The following SLC25A21 variants were observed in gnomAD, a reference collection of about 807,000 sequenced individuals.
SLC25A21 encodes the protein mitochondrial 2-oxodicarboxylate carrier.
A neutral mutation model predicts 43.8 loss-of-function variants in SLC25A21; 47 were observed. That is an observed-to-expected ratio of 1.07 (90% CI 0.85 to 1.37). The LOEUF is 1.37. Ranked by LOEUF, SLC25A21 falls within the 40% of genes most tolerant of loss-of-function variation. The probability of loss-of-function intolerance (pLI) is 0.00; values close to 1 mark genes in which losing one functional copy is unlikely to be tolerated. For missense variants in SLC25A21, 352 were observed against 350.2 expected (o/e 1.00, Z -0.04); for synonymous variants, 131 against 121.3 (o/e 1.08, Z -0.52).
At chr14:37,051,143 A>G (rs985356804) in intron 1 of SLC25A21, among the ~76,000 whole-genome samples, 15 of 152,324 alleles carry the variant, frequency 9.8e-5, no homozygotes, top group Admixed American at 2.0e-4. Flanking sequence ...GACTTTGCCT[A>G]TTGTTCACTG....
intron 1 of SLC25A21, among the ~76,000 whole-genome samples, chr14:37,010,941 C>T (rs1322155112): frequency 6.6e-6 from 1 of 152,128 alleles, no homozygotes; most frequent in Non-Finnish European, 1.5e-5. Context: ...GTCTGGAGTG[C>T]AGTGGTGCGA....
At chr14:36,979,576 G>A (rs779225410) in intron 1 of SLC25A21, among the ~76,000 whole-genome samples, 22 of 152,050 alleles carry the variant, frequency 1.4e-4, no homozygotes, top group Non-Finnish European at 3.1e-4. Flanking sequence ...GGCTGGTCTC[G>A]AACTACCGAC....
At chr14:36,718,848 A>G (rs1884258476) in intron 6 of SLC25A21, among the ~76,000 whole-genome samples, 1 of 152,242 alleles carries the variant, frequency 6.6e-6, no homozygotes, top group African/African-American at 2.4e-5. Flanking sequence ...AGCAAGATAG[A>G]ACACTAATTA....
At chr14:37,121,576 C>T (rs1391936243) in intron 1 of SLC25A21, among the ~76,000 whole-genome samples, 1 of 151,982 alleles carries the variant, frequency 6.6e-6, no homozygotes, top group Non-Finnish European at 1.5e-5. Flanking sequence ...TCACTTGAGG[C>T]CAAGAGTTTG....
intron 7 of SLC25A21, among the ~76,000 whole-genome samples, chr14:36,710,367 C>A (rs1339329906): frequency 1.3e-5 from 2 of 148,498 alleles, no homozygotes; most frequent in African/African-American, 5.0e-5. Context: ...GAGTGAAACT[C>A]TGTCTCCAAG....
At chr14:36,702,377 C>T (rs909421264) in intron 7 of SLC25A21, among the ~76,000 whole-genome samples, 4 of 150,422 alleles carry the variant, frequency 2.7e-5, no homozygotes, top group Non-Finnish European at 4.4e-5. Flanking sequence ...GGTGGCTCAT[C>T]CCTGTAATCC....
intron 1 of SLC25A21, among the ~76,000 whole-genome samples, chr14:36,962,180 C>T (rs372045086): frequency 3.4e-4 from 51 of 152,200 alleles, no homozygotes; most frequent in African/African-American, 1.2e-3. Context: ...CCATGCTATT[C>T]CTTGGTATAA....
intron 6 of SLC25A21, among the ~76,000 whole-genome samples, chr14:36,723,929 G>A (rs1046486067): frequency 3.2e-5 from 4 of 123,454 alleles, no homozygotes; most frequent in Non-Finnish European, 6.7e-5. Flanking sequence ...TTCCCAAGGG[G>A]TAAGATGGGA....
At chr14:36,838,238 C>G (rs1889274176) in intron 2 of SLC25A21, among the ~76,000 whole-genome samples, 1 of 152,186 alleles carries the variant, frequency 6.6e-6, no homozygotes, top group Admixed American at 6.5e-5. Context: ...ATATGGAGTT[C>G]AGCTAGAGAA....
chr14:36,807,918 T>C (rs1888102386), intron 3 of SLC25A21, among the ~76,000 whole-genome samples: 1 of 152,056 alleles, frequency 6.6e-6, no homozygotes, highest in Admixed American at 6.6e-5. Flanking sequence ...ACATCTGGAG[T>C]TTACCAAATT....
At chr14:37,059,820 C>T (rs1279647906) in intron 1 of SLC25A21, among the ~76,000 whole-genome samples, 1 of 152,030 alleles carries the variant, frequency 6.6e-6, no homozygotes, top group Non-Finnish European at 1.5e-5. Flanking sequence ...CAGTACAGTC[C>T]GCACTAGAGG....
chr14:37,007,383 A>G (rs1377165590), intron 1 of SLC25A21, among the ~76,000 whole-genome samples: 1 of 151,998 alleles, frequency 6.6e-6, no homozygotes, highest in Non-Finnish European at 1.5e-5. Context: ...CAGTCAGATC[A>G]CTTAAGGTCA....
intron 7 of SLC25A21, among the ~76,000 whole-genome samples, chr14:36,699,878 A>G (rs1162247189): frequency 6.6e-6 from 1 of 152,170 alleles, no homozygotes; most frequent in Non-Finnish European, 1.5e-5. Flanking sequence ...TAGGAAAGGG[A>G]AATCTCCCAA....
chr14:37,030,821 G>A (rs902579294), intron 1 of SLC25A21, among the ~76,000 whole-genome samples: 26 of 152,160 alleles, frequency 1.7e-4, no homozygotes, highest in African/African-American at 6.3e-4. Context: ...ATAGGTTACA[G>A]TCCTGGATTT....
intron 1 of SLC25A21, among the ~76,000 whole-genome samples, chr14:37,059,503 A>C (rs1961899027): frequency 6.6e-6 from 1 of 152,228 alleles, no homozygotes; most frequent in Admixed American, 6.5e-5. Context: ...ATTTCTTCCT[A>C]ACCTGGGCCT....
At chr14:37,137,118 C>A (rs1178165343) in intron 1 of SLC25A21, among the ~76,000 whole-genome samples, 1 of 152,170 alleles carries the variant, frequency 6.6e-6, no homozygotes, top group African/African-American at 2.4e-5. Context: ...CTGCCTCAGC[C>A]TCCTGAGTAG....
At chr14:37,125,100 A>C (rs1271967583) in intron 1 of SLC25A21, among the ~76,000 whole-genome samples, 2 of 152,234 alleles carry the variant, frequency 1.3e-5, no homozygotes, top group African/African-American at 4.8e-5. Context: ...CACTAGGTAG[A>C]AGTCAGGCCA....
intron 2 of SLC25A21, among the ~76,000 whole-genome samples, chr14:36,817,853 A>T (rs908624734): frequency 6.6e-6 from 1 of 152,194 alleles, no homozygotes; most frequent in Non-Finnish European, 1.5e-5. Flanking sequence ...CAGCTTGTGC[A>T]AACGTGTATA....
intron 1 of SLC25A21, among the ~76,000 whole-genome samples, chr14:37,135,534 C>T (rs2138912201): frequency 6.6e-6 from 1 of 152,330 alleles, no homozygotes; most frequent in African/African-American, 2.4e-5. Context: ...AGCAGAAAAA[C>T]TAAAAATTCT....
Sources: gnomAD v4.1 joint callset for allele counts (sites outside exome capture counted in the v4.1 genomes callset) on GRCh38, gnomAD v4.1.1 for gene constraint, MANE v1.5 for transcripts, NCBI Gene and HGNC (gene_info 2026-07-23, HGNC 2026-07-21) for gene names.